The following GPLD1 variants were observed in gnomAD, a reference collection of about 807,000 sequenced individuals.
The protein encoded by GPLD1 is glycosylphosphatidylinositol specific phospholipase D1.
Under a neutral mutation model 112.6 loss-of-function variants are expected in GPLD1, and 84 were observed. That is an observed-to-expected ratio of 0.75 (90% CI 0.63 to 0.89). The LOEUF is 0.89. GPLD1 is among the 40% of genes least tolerant of loss of function. The probability of loss-of-function intolerance (pLI) is 0.00; values close to 1 mark genes in which losing one functional copy is unlikely to be tolerated. For synonymous variants in GPLD1, 386 were observed against 403.8 expected, an observed-to-expected ratio of 0.96 and a Z score of 0.53; for missense variants, 1,044 against 1,051.5, an observed-to-expected ratio of 0.99 and a Z score of 0.10.
At chr6:24,492,086 G>A (rs1581797284), upstream of GPLD1, among the ~76,000 whole-genome samples, 1 of 152,100 alleles carries the variant, frequency 6.6e-6, no homozygotes, top group East Asian at 1.9e-4. Flanking sequence ...CTACCATTTA[G>A]AACTCTTCTG....
At chr6:24,482,976 C>A (rs1286426314) in intron 2 of GPLD1, among the ~76,000 whole-genome samples, 1 of 151,860 alleles carries the variant, frequency 6.6e-6, no homozygotes, top group Non-Finnish European at 1.5e-5. Flanking sequence ...GCTATAGAAA[C>A]AAAACAAAAA....
intron 5 of GPLD1, 124 bp downstream of exon 5, chr6:24,474,997 C>T: frequency 1.8e-6 from 1 of 546,546 alleles, no homozygotes; most frequent in African/African-American, 1.9e-5. Flanking sequence ...TCTAACCAAA[C>T]ACTGCTTTGG....
chr6:24,457,029 C>A (rs900823475), intron 12 of GPLD1, among the ~76,000 whole-genome samples: 1 of 152,180 alleles, frequency 6.6e-6, no homozygotes, highest in African/African-American at 2.4e-5. Flanking sequence ...CGCCACCACA[C>A]CCAGCTAATT....
At chr6:24,456,754 A>G (rs1763281591) in intron 12 of GPLD1, 117 bp from the exon 13 acceptor site, 1 of 635,194 alleles carries the variant, frequency 1.6e-6, no homozygotes, top group Non-Finnish European at 2.7e-6. Flanking sequence ...GAAGTGCTAA[A>G]CAATAAAATA....
rs57649807 is a variant in GPLD1, at chr6:24,481,343, C to CTT, written c.154-1386_154-1385dup. Reference sequence around the variant, plus strand: ...AGTAAAAGTTTGGCAATATCCCGCCCTTTTTTTTTTTTTTTTAAATAAGAA... The same window carrying CTT: ...AGTAAAAGTTTGGCAATATCCCGCCCTTTTTTTTTTTTTTTTTTAAATAAGAA... On this transcript the variant is annotated intron_variant, in intron 2 of 24. Transcript: ENST00000230036. Among the ~76,000 whole-genome samples the CTT allele has an allele frequency of 9.7e-4, 139 of 143,982 alleles. 1 individual carries two copies. The highest frequency in any genetic ancestry group is 3.3e-3 in the African/African-American group (131 of 39,768). 94.5% of individuals were successfully genotyped at this position (143,982 alleles called of 152,430 possible).
downstream of GPLD1, chr6:24,424,031 C>A: frequency 6.1e-6 from 1 of 163,282 alleles, no homozygotes; most frequent in Non-Finnish European, 1.3e-5. Flanking sequence ...CTGAATGAAG[C>A]GTAGGAACTT....
rs17300770 is a variant in GPLD1 at position 24,462,792 on chromosome 6, G to C, written c.825C>G (p.Asp275Glu). 198,629 of 1,607,158 alleles carry C rather than the reference G, an allele frequency of 0.12. 13,271 individuals are homozygous for C. Among genetic ancestry groups the C allele is most frequent in the Middle Eastern group, 0.22 (1,317 of 6,046 alleles). Residue 275 changes from aspartate (D) to glutamate (E), a missense_variant, in exon 11 of 25, where the codon GAC (aspartate) becomes GAG (glutamate). By Grantham distance (45) the Asp-to-Glu change is conservative. Coordinates refer to ENST00000230036, the MANE Select transcript of GPLD1 (RefSeq NM_001503.4). ...ACAGAGGGTTCTCAGGCAGGTTGCA[G>C]TCACTGAGGAAACAGTCAAATGAGT... is the stretch of plus-strand genomic sequence containing the variant. ...TSFMLENGTS[D>E]CNLPENPLFI...
intron 2 of GPLD1, among the ~76,000 whole-genome samples, chr6:24,482,534 G>T (rs1764239046): frequency 6.6e-6 from 1 of 152,036 alleles, no homozygotes; most frequent in Non-Finnish European, 1.5e-5. Flanking sequence ...ACCTGCCTTG[G>T]CCTTCCAGAG....
upstream of GPLD1, among the ~76,000 whole-genome samples, chr6:24,492,242 T>C (rs1048141758): frequency 2.6e-5 from 4 of 152,038 alleles, no homozygotes; most frequent in Non-Finnish European, 5.9e-5. Flanking sequence ...CAGTGTCTCA[T>C]GCCTGTAATC....
intron 12 of GPLD1, among the ~76,000 whole-genome samples, chr6:24,458,438 G>C (rs1195527067): frequency 6.6e-6 from 1 of 152,136 alleles, no homozygotes; most frequent in Admixed American, 6.6e-5. Context: ...TCCCTCCTTA[G>C]ACAATTCATT....
chr6:24,439,106 C>T (rs1762668388), intron 20 of GPLD1, among the ~76,000 whole-genome samples: 1 of 152,100 alleles, frequency 6.6e-6, no homozygotes, highest in Non-Finnish European at 1.5e-5. Flanking sequence ...TTTCGTGCCT[C>T]CTAAAGGAAC....
chr6:24,424,286 AG>A (rs1337906531), downstream of GPLD1: 1 of 151,418 alleles, frequency 6.6e-6, no homozygotes, highest in Non-Finnish European at 1.5e-5. Context: ...TTCCTAATCA[AG>A]ATTTCACGTT....
chr6:24,483,315 A>T (rs1208014466), intron 2 of GPLD1, among the ~76,000 whole-genome samples: 1 of 151,528 alleles, frequency 6.6e-6, no homozygotes, highest in Non-Finnish European at 1.5e-5. Flanking sequence ...AAATATATAT[A>T]TTTTAAGCTA....
intron 15 of GPLD1, 74 bp downstream of exon 15, chr6:24,449,715 C>T: frequency 1.0e-6 from 1 of 955,718 alleles, no homozygotes; most frequent in Middle Eastern, 2.2e-4. Flanking sequence ...GGGGCTCATC[C>T]CAGCGTTGGC....
chr6:24,436,465 C>T lies in GPLD1; in HGVS notation c.2358+111G>A, dbSNP rs1762580689. On this transcript the variant is annotated intron_variant, in intron 22 of 24. Transcript: ENST00000230036. ...ACATGGACAGATGATGGTGTCCTGA[C>T]CCTAGGAGGTATGAATTCAGGTAAG... 15 of 883,952 alleles carry T rather than the reference C, an allele frequency of 1.7e-5. 1 individual carries two copies. The South Asian group carries it at 2.3e-4, about 14-fold the overall frequency. 54.8% of individuals were successfully genotyped at this position (883,952 alleles called of 1,614,324 possible).
intron 7 of GPLD1, among the ~76,000 whole-genome samples, chr6:24,469,292 G>A (rs953935313): frequency 7.1e-6 from 1 of 141,174 alleles, no homozygotes; most frequent in African/African-American, 2.7e-5. Context: ...ATACCCAAAT[G>A]ACTATAAATC....
At chr6:24,460,105 C>T (rs889264040) in intron 12 of GPLD1, among the ~76,000 whole-genome samples, 174 bp downstream of exon 12, 2 of 152,056 alleles carry the variant, frequency 1.3e-5, no homozygotes, top group Non-Finnish European at 2.9e-5. Context: ...GCTATGTTGC[C>T]CAGACAGGTC....
At position 24,489,479 on chromosome 6, in the gene GPLD1, C is replaced by G; in HGVS notation, c.33G>C (p.Leu11=). 4 of 1,614,052 alleles carry G rather than the reference C, an allele frequency of 2.5e-6. No individual in the cohort carries two copies. Among genetic ancestry groups the G allele is most frequent in the Non-Finnish European group, 3.4e-6 (4 of 1,179,952 alleles). The part of the protein sequence containing the change: MSAFRLWPGL[L]IMLGSLCHRG... ...TATGGCAGAGAGAACCCAACATGAT[C>G]AGCAGGCCAGGCCACAACCTGAAAG... Residue 11 remains leucine, a synonymous_variant, in exon 1 of 25, where the codon CTG becomes CTC. Coordinates refer to ENST00000230036, the MANE Select transcript of GPLD1 (RefSeq NM_001503.4).
chr6:24,485,889 G>A (rs556211309), intron 2 of GPLD1, among the ~76,000 whole-genome samples, 186 bp downstream of exon 2: 2 of 151,862 alleles, frequency 1.3e-5, no homozygotes, highest in South Asian at 2.1e-4. Flanking sequence ...GGCTGGTCTC[G>A]AACTCCTGAC....
Sources: allele counts gnomAD v4.1 joint callset (sites outside exome capture counted in the v4.1 genomes callset), GRCh38; gene constraint gnomAD v4.1.1; transcripts MANE v1.5; gene names NCBI Gene and HGNC (gene_info 2026-07-23, HGNC 2026-07-21).